Variants in RIN2 observed in about 807,000 individuals in gnomAD.
The protein encoded by RIN2 is RAB5 interacting protein 2.
In RIN2, 36 loss-of-function variants were observed where a neutral mutation model predicts 78.0. That is an observed-to-expected ratio of 0.46 (90% CI 0.35 to 0.61). The LOEUF (loss-of-function observed/expected upper bound fraction) is 0.61. RIN2 is among the 20% of genes least tolerant of loss of function. The pLI is 0.00. For missense variants in RIN2, 1,087 were observed against 1,159.7 expected (o/e 0.94, Z 0.91); for synonymous variants, 466 against 466.8 (o/e 1.00, Z 0.02).
At chr20:19,934,548 C>T in intron 3 of RIN2, 1 of 985,062 alleles carries the variant, frequency 1.0e-6, no homozygotes, top group Non-Finnish European at 1.2e-6. Context: ...CTTCCCTTTC[C>T]CCAACAATCT....
At chr20:19,933,432 C>T (rs868693153) in intron 3 of RIN2, among the ~76,000 whole-genome samples, 6 of 152,160 alleles carry the variant, frequency 3.9e-5, no homozygotes, top group Middle Eastern at 3.2e-3. Context: ...CCTGACCAAC[C>T]CGCCCTGATC....
In RIN2 at chr20:19,765,827, G is replaced by A. The variant is rs1043141086; in HGVS notation, c.-163+7500G>A. Among the ~76,000 whole-genome samples, 60 of 152,092 alleles carry A rather than the reference G, an allele frequency of 3.9e-4. 1 individual carries two copies. Among genetic ancestry groups the A allele is most frequent in the African/African-American group, 1.3e-3 (54 of 41,400 alleles). On this transcript the variant is annotated intron_variant, in intron 1 of 12. Transcript: ENST00000255006. The stretch of plus-strand genomic sequence containing the variant: ...GTTTAGGAGATTCCTCTGGCTCTCT[G>A]CTAGACTAATGTTGTTGAAGGAAGG...
intron 2 of RIN2, among the ~76,000 whole-genome samples, chr20:19,883,477 C>A (rs1178505953): frequency 2.6e-5 from 4 of 151,816 alleles, no homozygotes; most frequent in Non-Finnish European, 4.4e-5. Flanking sequence ...GTAGCTGGGA[C>A]CCTAGGCACT....
chr20:19,958,039 G>A (rs1377106090), intron 5 of RIN2, among the ~76,000 whole-genome samples: 2 of 152,216 alleles, frequency 1.3e-5, no homozygotes, highest in African/African-American at 4.8e-5. Context: ...AGCTAGCTGA[G>A]GAATGTCATA....
chr20:19,871,049 C>G (rs1192044762), intron 2 of RIN2, among the ~76,000 whole-genome samples: 1 of 152,122 alleles, frequency 6.6e-6, no homozygotes, highest in Non-Finnish European at 1.5e-5. Flanking sequence ...CATAAAAATT[C>G]CTAGCTGATT....
Position 19,969,850 on chromosome 20 carries a change from G to A in RIN2, c.537-988G>A, listed in dbSNP as rs181922221. On this transcript the variant is annotated intron_variant, in intron 7 of 12. Transcript: ENST00000255006. ...TCATTCATTCATTCAAGTACTTCCT[G>A]CCTGTCTGTGTCAGGACAGTGTTGT... Among the ~76,000 whole-genome samples, 42 of 152,324 alleles carry A rather than the reference G, an allele frequency of 2.8e-4. 1 individual carries two copies. Among genetic ancestry groups the A allele is most frequent in the African/African-American group, 7.2e-4 (30 of 41,570 alleles).
chr20:19,827,644 T>C (rs555780791), intron 2 of RIN2, among the ~76,000 whole-genome samples: 3 of 152,248 alleles, frequency 2.0e-5, no homozygotes, highest in East Asian at 1.9e-4. Context: ...AAAATGCCTA[T>C]AGAAGATCCA....
chr20:19,916,058 G>A lies in RIN2; in HGVS notation c.58-19041G>A, dbSNP rs1361051739. 3.3e-5 allele frequency among the ~76,000 whole-genome samples: 5 copies of A among 152,284 alleles called. No homozygotes were observed. In the East Asian group the frequency reaches 7.7e-4, roughly 24 times the overall value. ...AGACCGAGACCATCCTGGCCAACATGGTGAAGCCCTGAATCTACTAAAAAT... is the reference window on the plus strand; with the variant it reads ...AGACCGAGACCATCCTGGCCAACATAGTGAAGCCCTGAATCTACTAAAAAT... On this transcript the variant is annotated intron_variant, in intron 3 of 12. Coordinates refer to ENST00000255006, the MANE Select transcript of RIN2 (RefSeq NM_018993.4).
intron 3 of RIN2, among the ~76,000 whole-genome samples, chr20:19,891,579 G>A (rs2038463164): frequency 6.6e-6 from 1 of 152,178 alleles, no homozygotes; most frequent in African/African-American, 2.4e-5. Flanking sequence ...AGCACTTTGG[G>A]AGGCCTAGGT....
chr20:19,965,124 T>C (rs2041894993), intron 7 of RIN2, 100 bp downstream of exon 7: 2 of 938,858 alleles, frequency 2.1e-6, no homozygotes, highest in East Asian at 2.4e-5. Flanking sequence ...TGGCCACCTA[T>C]TTGATGTTGG....
intron 3 of RIN2, among the ~76,000 whole-genome samples, chr20:19,912,298 T>G (rs144630021): frequency 6.6e-5 from 10 of 152,078 alleles, no homozygotes; most frequent in African/African-American, 2.2e-4. Context: ...TCAACTGTGC[T>G]CTCACCACCC....
chr20:19,779,539 T>A (rs1221314618), intron 1 of RIN2, among the ~76,000 whole-genome samples: 1 of 152,164 alleles, frequency 6.6e-6, no homozygotes, highest in East Asian at 1.9e-4. Flanking sequence ...AGCTGGGATT[T>A]GAATAAGAAA....
At chr20:19,771,403 A>G (rs1323585424) in intron 1 of RIN2, among the ~76,000 whole-genome samples, 1 of 152,206 alleles carries the variant, frequency 6.6e-6, no homozygotes, top group Non-Finnish European at 1.5e-5. Context: ...TATATCACAT[A>G]ACACCTCCTT....
intron 1 of RIN2, among the ~76,000 whole-genome samples, chr20:19,766,124 T>C (rs2033875106): frequency 6.6e-6 from 1 of 152,138 alleles, no homozygotes; most frequent in Non-Finnish European, 1.5e-5. Flanking sequence ...CTCCTGGCCA[T>C]CTGTCATGGA....
At chr20:19,867,702 G>C (rs771979463) in intron 2 of RIN2, among the ~76,000 whole-genome samples, 1 of 152,216 alleles carries the variant, frequency 6.6e-6, no homozygotes. Context: ...GGAGGCACAT[G>C]TGGCAGGTTT....
chr20:19,974,584 T>A (rs1031249161), intron 8 of RIN2, 70 bp from the exon 9 acceptor site: 24 of 1,502,030 alleles, frequency 1.6e-5, no homozygotes, highest in African/African-American at 5.6e-5. Flanking sequence ...GTGTGCTTTT[T>A]TTAATTTGTG....
At chr20:19,962,832 C>G (rs1050699752) in intron 6 of RIN2, among the ~76,000 whole-genome samples, 30 of 152,300 alleles carry the variant, frequency 2.0e-4, no homozygotes, top group African/African-American at 7.2e-4. Flanking sequence ...TGGCGCAAGC[C>G]TGTAATCCCA....
intron 4 of RIN2, among the ~76,000 whole-genome samples, chr20:19,941,446 C>T (rs775345830): frequency 3.9e-5 from 6 of 152,208 alleles, no homozygotes; most frequent in Non-Finnish European, 8.8e-5. Context: ...GATCCACCTT[C>T]ACTTGGTGCT....
At chr20:19,766,204 C>A (rs2033879029) in intron 1 of RIN2, among the ~76,000 whole-genome samples, 1 of 152,162 alleles carries the variant, frequency 6.6e-6, no homozygotes, top group African/African-American at 2.4e-5. Flanking sequence ...TTTCGTATGA[C>A]AAACACTGTC....
Sources: allele counts gnomAD v4.1 joint callset (sites outside exome capture counted in the v4.1 genomes callset), GRCh38; gene constraint gnomAD v4.1.1; transcripts MANE v1.5; gene names NCBI Gene and HGNC (gene_info 2026-07-23, HGNC 2026-07-21).